The following PTPRG variants were observed in gnomAD, a reference collection of about 807,000 sequenced individuals.
PTPRG encodes the protein receptor-type tyrosine-protein phosphatase gamma.
A neutral mutation model predicts 165.3 loss-of-function variants in PTPRG; 102 were observed. That is an observed-to-expected ratio of 0.62 (90% confidence interval 0.53 to 0.73). The LOEUF (loss-of-function observed/expected upper bound fraction) is 0.73. Among genes scored for constraint, PTPRG ranks in the 30% least tolerant of loss-of-function variants. PTPRG has a pLI of 0.00. For synonymous variants in PTPRG, 675 were observed against 669.5 expected, an observed-to-expected ratio of 1.01 and a Z score of -0.13; for missense variants, 1,866 against 1,861.4, an observed-to-expected ratio of 1.00 and a Z score of -0.05.
intron 21 of PTPRG, 147 bp from the exon 22 acceptor site, chr3:62,272,799 T>G (rs1191125657): frequency 2.2e-6 from 2 of 888,956 alleles, no homozygotes; most frequent in Non-Finnish European, 3.2e-6. Flanking sequence ...ATTGCGCCAC[T>G]GCACTCCAGC....
chr3:62,123,357 C>T lies in PTPRG; in HGVS notation c.616-9245C>T, dbSNP rs992337018. Among the ~76,000 whole-genome samples, 12 of 152,172 alleles carry T rather than the reference C, an allele frequency of 7.9e-5. No homozygotes were observed. The East Asian group carries it at 9.6e-4, about 12-fold the overall frequency. On this transcript the variant is annotated intron_variant, in intron 5 of 29. Transcript: ENST00000474889. Reference sequence around the variant, plus strand: ...AACTCCCAGGCTCCAGCTATCCTCCCGTCTCAGCCTCTGGGGTAGCTAGGA... The same window carrying T: ...AACTCCCAGGCTCCAGCTATCCTCCTGTCTCAGCCTCTGGGGTAGCTAGGA...
intron 2 of PTPRG, among the ~76,000 whole-genome samples, chr3:61,828,921 G>A (rs996372861): frequency 2.0e-5 from 3 of 152,112 alleles, no homozygotes; most frequent in Non-Finnish European, 1.5e-5. Flanking sequence ...TTACCTATAT[G>A]ACTGATTCTG....
chr3:61,889,549 T>C (rs2038149066), intron 2 of PTPRG, among the ~76,000 whole-genome samples: 1 of 152,254 alleles, frequency 6.6e-6, no homozygotes. Context: ...TGTTGCCGTG[T>C]TATCTCCGTT....
At chr3:62,016,480 A>T (rs1484989616) in intron 4 of PTPRG, among the ~76,000 whole-genome samples, 1 of 152,114 alleles carries the variant, frequency 6.6e-6, no homozygotes, top group Non-Finnish European at 1.5e-5. Flanking sequence ...TTAACTATTA[A>T]TATGAACTCA....
chr3:62,017,858 A>G (rs543167564), intron 4 of PTPRG, among the ~76,000 whole-genome samples: 68 of 152,362 alleles, frequency 4.5e-4, no homozygotes, highest in Non-Finnish European at 7.2e-4. Context: ...TAATATGTAC[A>G]TGAGCAATTA....
intron 1 of PTPRG, among the ~76,000 whole-genome samples, chr3:61,729,065 A>AAAAC (rs33984870): frequency 9.6e-4 from 146 of 151,656 alleles, no homozygotes; most frequent in African/African-American, 3.0e-3. Flanking sequence ...CTGTCTCAAA[A>AAAAC]AAACAAACAA....
intron 1 of PTPRG, among the ~76,000 whole-genome samples, chr3:61,612,240 C>T (rs1008684646): frequency 1.3e-5 from 2 of 152,250 alleles, no homozygotes; most frequent in Admixed American, 1.3e-4. Context: ...GCTACCACGC[C>T]TGGCCACTGT....
intron 2 of PTPRG, among the ~76,000 whole-genome samples, chr3:61,772,748 T>C (rs1265642620): frequency 2.6e-5 from 4 of 152,230 alleles, no homozygotes; most frequent in Non-Finnish European, 4.4e-5. Context: ...ACATTCACTT[T>C]GTATCAAGCT....
At position 62,143,464 on chromosome 3, in the gene PTPRG, AT is replaced by A. The variant is rs575635456; in HGVS notation, c.682+10797del. 6.4e-4 allele frequency among the ~76,000 whole-genome samples: 97 copies of A among 152,124 alleles called. 1 individual carries two copies. Among genetic ancestry groups the A allele is most frequent in the Non-Finnish European group, 1.2e-3 (80 of 68,010 alleles). On this transcript the variant is annotated intron_variant, in intron 6 of 29. Coordinates refer to ENST00000474889, the MANE Select transcript of PTPRG (RefSeq NM_002841.4). ...AAGCTCCCTGAATCAGAGTCCACAC[AT>A]CCTTCCATCAACTGACTGCCTAAGG...
chr3:62,055,435 C>T (rs1700601651), intron 4 of PTPRG, among the ~76,000 whole-genome samples: 1 of 152,194 alleles, frequency 6.6e-6, no homozygotes, highest in Non-Finnish European at 1.5e-5. Flanking sequence ...TATTTTATCA[C>T]AACTGCTTTT....
intron 2 of PTPRG, among the ~76,000 whole-genome samples, chr3:61,755,238 C>A (rs1030241098): frequency 6.6e-5 from 10 of 151,992 alleles, no homozygotes; most frequent in African/African-American, 2.4e-4. Flanking sequence ...GAACTCCTGA[C>A]CTCAAGTGAT....
intron 6 of PTPRG, among the ~76,000 whole-genome samples, chr3:62,134,764 C>T (rs973032380): frequency 6.6e-6 from 1 of 152,118 alleles, no homozygotes; most frequent in African/African-American, 2.4e-5. Flanking sequence ...ACGCTGTGTC[C>T]AGCAAATAGT....
chr3:61,956,908 C>A (rs944923870), intron 2 of PTPRG, among the ~76,000 whole-genome samples: 1 of 152,226 alleles, frequency 6.6e-6, no homozygotes, highest in East Asian at 1.9e-4. Context: ...AATGAAATTG[C>A]TTTGAGTCAT....
intron 2 of PTPRG, among the ~76,000 whole-genome samples, chr3:61,830,704 A>G (rs2107291691): frequency 6.6e-6 from 1 of 150,450 alleles, no homozygotes; most frequent in East Asian, 2.0e-4. Flanking sequence ...CCTCCCGAGT[A>G]GCTGGGATTA....
intron 1 of PTPRG, among the ~76,000 whole-genome samples, chr3:61,607,242 G>C (rs1280040975): frequency 1.3e-5 from 2 of 152,212 alleles, no homozygotes; most frequent in Non-Finnish European, 2.9e-5. Flanking sequence ...ACAGCCACCT[G>C]TGAAATAAAG....
At chr3:61,972,464 T>G (rs1479161648) in intron 2 of PTPRG, among the ~76,000 whole-genome samples, 1 of 146,852 alleles carries the variant, frequency 6.8e-6, no homozygotes, top group Non-Finnish European at 1.5e-5. Context: ...CCCTGGCTGC[T>G]GTGTTGATAA....
chr3:62,037,335 A>G (rs60528772), intron 4 of PTPRG, among the ~76,000 whole-genome samples: 2 of 152,122 alleles, frequency 1.3e-5, no homozygotes, highest in Admixed American at 1.3e-4. Flanking sequence ...GATTGTCTCA[A>G]TTGATGTCTC....
Position 62,229,915 on chromosome 3 carries a change from A to G in PTPRG, c.2289-1310A>G, listed in dbSNP as rs1301756085. Among the ~76,000 whole-genome samples the G allele has an allele frequency of 1.3e-5, 2 of 152,240 alleles. No homozygotes were observed. Among genetic ancestry groups the G allele is most frequent in the Non-Finnish European group, 2.9e-5 (2 of 68,040 alleles). On this transcript the variant is annotated intron_variant, in intron 13 of 29. Coordinates refer to ENST00000474889, the MANE Select transcript of PTPRG (RefSeq NM_002841.4). The surrounding 1 kb of genome is among the most constrained non-coding windows in gnomAD (Gnocchi z 4.6). ...ATCTGGCAGAATTCAGAGTAGGGCT[A>G]AGGGTTGAGAAAAAGTCTAAATATT...
intron 7 of PTPRG, among the ~76,000 whole-genome samples, chr3:62,164,421 C>T (rs1024475581): frequency 5.3e-5 from 8 of 152,162 alleles, no homozygotes; most frequent in Non-Finnish European, 1.2e-4. Context: ...AGAGACAGGC[C>T]ACTGGCGATT....
Sources: gnomAD v4.1 joint callset for allele counts (sites outside exome capture counted in the v4.1 genomes callset) on GRCh38, gnomAD v4.1.1 for gene constraint, Gnocchi (gnomAD v3.1) non-coding constraint, MANE v1.5 for transcripts, NCBI Gene and HGNC (gene_info 2026-07-23, HGNC 2026-07-21) for gene names.